Variants in FAM24B observed in about 807,000 individuals in gnomAD.
FAM24B encodes the protein protein FAM24B.
A neutral mutation model predicts 2.3 loss-of-function variants in FAM24B; 3 were observed. The ratio of observed to expected loss-of-function variants is 1.29; its 90% CI spans 0.59 to 3.32. The LOEUF (loss-of-function observed/expected upper bound fraction) is 3.32. FAM24B is among the 30% of genes most tolerant of loss of function. FAM24B has a pLI of 0.03. For missense variants in FAM24B, 98 were observed against 117.2 expected (o/e 0.84, Z 0.76); for synonymous variants, 36 against 46.3 (o/e 0.78, Z 0.90).
At chr10:122,865,889 G>A (rs766956471) in intron 1 of FAM24B, among the ~76,000 whole-genome samples, 9 of 150,652 alleles carry the variant, frequency 6.0e-5, no homozygotes, top group Non-Finnish European at 8.8e-5. Context: ...TATCAAATTC[G>A]GAGACAGCTG....
At chr10:122,875,467 C>T (rs923942862) in intron 1 of FAM24B, among the ~76,000 whole-genome samples, 6 of 152,150 alleles carry the variant, frequency 3.9e-5, no homozygotes, top group Non-Finnish European at 7.4e-5. Flanking sequence ...TTGCCTTTTA[C>T]CGTGCTTTGT....
chr10:122,854,779 T>C (rs1847608270), intron 2 of FAM24B, among the ~76,000 whole-genome samples: 1 of 152,214 alleles, frequency 6.6e-6, no homozygotes, highest in African/African-American at 2.4e-5. Flanking sequence ...GCTGGCCTTT[T>C]CTCTATGGAA....
At chr10:122,849,585 C>T in intron 3 of FAM24B, 146 bp from the exon 4 acceptor site, 1 of 629,748 alleles carries the variant, frequency 1.6e-6, no homozygotes, top group Non-Finnish European at 2.6e-6. Flanking sequence ...TCTCCCCCAT[C>T]CCAAGTTCCT....
chr10:122,875,084 T>C (rs1847957033), intron 1 of FAM24B, among the ~76,000 whole-genome samples: 1 of 152,224 alleles, frequency 6.6e-6, no homozygotes, highest in Admixed American at 6.5e-5. Flanking sequence ...ATTATACATG[T>C]TATTACAAGT....
intron 1 of FAM24B, among the ~76,000 whole-genome samples, chr10:122,856,841 G>A (rs1228762864): frequency 1.3e-5 from 2 of 152,094 alleles, no homozygotes; most frequent in Admixed American, 6.5e-5. Flanking sequence ...ATCACCCTGG[G>A]TTACTGCTGC....
At chr10:122,875,060 C>T (rs1847956680) in intron 1 of FAM24B, among the ~76,000 whole-genome samples, 1 of 152,190 alleles carries the variant, frequency 6.6e-6, no homozygotes, top group South Asian at 2.1e-4. Flanking sequence ...CTTTCTTCTA[C>T]TTCTGGTATT....
intron 1 of FAM24B, among the ~76,000 whole-genome samples, chr10:122,875,315 T>C (rs1311188448): frequency 6.6e-6 from 1 of 152,208 alleles, no homozygotes; most frequent in Non-Finnish European, 1.5e-5. Context: ...ACATTACCCA[T>C]TCACTCTTGT....
chr10:122,873,008 A>G (rs1000364221), intron 1 of FAM24B, among the ~76,000 whole-genome samples: 1 of 152,206 alleles, frequency 6.6e-6, no homozygotes, highest in Non-Finnish European at 1.5e-5. Flanking sequence ...AGGTTTAAAA[A>G]ATAAACCATC....
At chr10:122,870,370 G>C (rs1442331550) in intron 1 of FAM24B, among the ~76,000 whole-genome samples, 4 of 152,100 alleles carry the variant, frequency 2.6e-5, no homozygotes, top group African/African-American at 9.7e-5. Flanking sequence ...AGGAGGAGCT[G>C]GTACCATTCC....
chr10:122,864,769 G>A (rs1278028714), intron 1 of FAM24B, among the ~76,000 whole-genome samples: 1 of 152,016 alleles, frequency 6.6e-6, no homozygotes, highest in Non-Finnish European at 1.5e-5. Flanking sequence ...TCTTTTAATT[G>A]TCCCTGTAGT....
chr10:122,875,375 C>A (rs1847961158), intron 1 of FAM24B, among the ~76,000 whole-genome samples: 1 of 152,126 alleles, frequency 6.6e-6, no homozygotes, highest in Non-Finnish European at 1.5e-5. Flanking sequence ...TCATAGCTAC[C>A]TTAAATTCCC....
chr10:122,870,108 C>T (rs1847868782), intron 1 of FAM24B, among the ~76,000 whole-genome samples: 1 of 152,240 alleles, frequency 6.6e-6, no homozygotes, highest in Non-Finnish European at 1.5e-5. Context: ...CGGGATATCA[C>T]CACTGATCCC....
rs1847889506 is a variant in FAM24B, at chr10:122,871,037, C to T, written c.-178+8448G>A. Among the ~76,000 whole-genome samples, 3 of 152,132 alleles carry T rather than the reference C, an allele frequency of 2.0e-5. No individual in the cohort carries two copies. In the South Asian group the frequency reaches 6.2e-4, roughly 32 times the overall value. On this transcript the variant is annotated intron_variant, in intron 1 of 3. Transcript: ENST00000368898. Reference sequence around the variant, plus strand: ...GACATGATTGTAAATCTAGAAAACCCCATCGTCTCAGCTCAAAATCTCCTT... The same window carrying T: ...GACATGATTGTAAATCTAGAAAACCTCATCGTCTCAGCTCAAAATCTCCTT...
At chr10:122,860,479 T>A (rs1774366468) in intron 1 of FAM24B, among the ~76,000 whole-genome samples, 1 of 152,204 alleles carries the variant, frequency 6.6e-6, no homozygotes, top group Admixed American at 6.5e-5. Context: ...CTATAATACA[T>A]CCCATACCAG....
At chr10:122,857,068 C>T (rs1244587153) in intron 1 of FAM24B, among the ~76,000 whole-genome samples, 1 of 152,206 alleles carries the variant, frequency 6.6e-6, no homozygotes, top group African/African-American at 2.4e-5. Flanking sequence ...CTCCTACAGG[C>T]CACCCACTCA....
intron 1 of FAM24B, among the ~76,000 whole-genome samples, chr10:122,859,443 G>A (rs1847693560): frequency 6.6e-6 from 1 of 152,196 alleles, no homozygotes; most frequent in South Asian, 2.1e-4. Context: ...GTGAGAGATG[G>A]CCTTGTTGCA....
At chr10:122,867,572 G>T (rs60767967) in intron 1 of FAM24B, among the ~76,000 whole-genome samples, 1 of 152,140 alleles carries the variant, frequency 6.6e-6, no homozygotes, top group East Asian at 1.9e-4. Context: ...TCACATGGCC[G>T]GGTACTCCTC....
intron 1 of FAM24B, among the ~76,000 whole-genome samples, chr10:122,873,285 ACGCTCATTTACCATT>A (rs1847927325): frequency 1.3e-5 from 2 of 152,324 alleles, no homozygotes; most frequent in South Asian, 4.1e-4. Context: ...GTTTAAGCCA[ACGCTCATTTACCATT>A]CTGAAAATCC....
chr10:122,864,439 A>C (rs1388135910), intron 1 of FAM24B, among the ~76,000 whole-genome samples: 1 of 152,198 alleles, frequency 6.6e-6, no homozygotes, highest in Non-Finnish European at 1.5e-5. Flanking sequence ...CAAAGGAAAA[A>C]TGATGGATTT....
Sources: allele counts gnomAD v4.1 joint callset (sites outside exome capture counted in the v4.1 genomes callset), GRCh38; gene constraint gnomAD v4.1.1; transcripts MANE v1.5; gene names NCBI Gene and HGNC (gene_info 2026-07-23, HGNC 2026-07-21).